Variants in RAPGEF5 observed in about 807,000 individuals in gnomAD.
RAPGEF5 encodes the protein Rap guanine nucleotide exchange factor 5.
A neutral mutation model predicts 125.2 loss-of-function variants in RAPGEF5; 65 were observed. That is an observed-to-expected ratio of 0.52 (90% confidence interval 0.43 to 0.64). The LOEUF (loss-of-function observed/expected upper bound fraction) is 0.64, where lower values mean the gene tolerates loss of function less well. Ranked by LOEUF, RAPGEF5 falls within the 30% of genes least tolerant of loss-of-function variation. The pLI, the probability that RAPGEF5 is intolerant of heterozygous loss-of-function variation, is 0.00. For synonymous variants in RAPGEF5, 391 were observed against 385.9 expected, an observed-to-expected ratio of 1.01 and a Z score of -0.16; for missense variants, 958 against 1,048.1, an observed-to-expected ratio of 0.91 and a Z score of 1.19.
intron 7 of RAPGEF5, among the ~76,000 whole-genome samples, chr7:22,247,749 TA>T (rs199529209): frequency 0.015 from 2,176 of 146,528 alleles, 29 homozygotes; most frequent in Non-Finnish European, 0.018. Context: ...GTGGACTGGA[TA>T]AAAAAAAAAA....
chr7:22,247,197 C>T (rs1786499763), intron 7 of RAPGEF5, among the ~76,000 whole-genome samples: 1 of 152,194 alleles, frequency 6.6e-6, no homozygotes. Context: ...TAAAATAGAA[C>T]TACCATTTGA....
At chr7:22,331,542 G>A (rs1328653353) in intron 1 of RAPGEF5, among the ~76,000 whole-genome samples, 12 of 151,996 alleles carry the variant, frequency 7.9e-5, no homozygotes, top group Non-Finnish European at 1.2e-4. Context: ...TCAGGAGATC[G>A]AGACCATCCT....
At chr7:22,282,766 G>T (rs1782703184) in intron 6 of RAPGEF5, among the ~76,000 whole-genome samples, 1 of 152,180 alleles carries the variant, frequency 6.6e-6, no homozygotes, top group Non-Finnish European at 1.5e-5. Flanking sequence ...ATGCATTAAT[G>T]CAGGATAATG....
chr7:22,281,244 C>G (rs561659974), intron 6 of RAPGEF5, among the ~76,000 whole-genome samples: 27 of 152,302 alleles, frequency 1.8e-4, no homozygotes, highest in Middle Eastern at 3.4e-3. Context: ...CACAGTCTGG[C>G]TCTGTCACCC....
intron 9 of RAPGEF5, among the ~76,000 whole-genome samples, chr7:22,197,900 G>GGGT (rs1554327470): frequency 5.5e-5 from 8 of 145,134 alleles, no homozygotes; most frequent in African/African-American, 1.0e-4. Flanking sequence ...TTTTGGGGGG[G>GGGT]GGTGGTAGGA....
rs900942515 is a variant in RAPGEF5 at position 22,121,813 on chromosome 7, T to A, written c.*593A>T. 3 of 153,024 alleles carry A rather than the reference T, an allele frequency of 2.0e-5. No individual in the cohort carries two copies. The highest frequency in any genetic ancestry group is 7.2e-5 in the African/African-American group (3 of 41,466). 9.5% of individuals were successfully genotyped at this position (153,024 alleles called of 1,614,324 possible). A position where few individuals can be genotyped will look rare whatever the true frequency, so the allele number is the denominator to read the frequency against. On this transcript the variant is annotated 3_prime_UTR_variant, in exon 26 of 26. Transcript: ENST00000665637. ...TGCAAAGTGATGCACACCTTGACATTGTTCATCTGCCCATCAGAGCATGGA... is the reference window on the plus strand; with the variant it reads ...TGCAAAGTGATGCACACCTTGACATAGTTCATCTGCCCATCAGAGCATGGA...
At chr7:22,187,590 A>G (rs1442705086) in intron 11 of RAPGEF5, among the ~76,000 whole-genome samples, 1 of 152,084 alleles carries the variant, frequency 6.6e-6, no homozygotes, top group Non-Finnish European at 1.5e-5. Flanking sequence ...GAAACCAAAC[A>G]TTTTGTGTGT....
Position 22,136,073 on chromosome 7 carries a change from G to A in RAPGEF5, c.2381C>T (p.Pro794Leu). The A allele has an allele frequency of 1.2e-6, 2 of 1,612,230 alleles. No individual in the cohort carries two copies. Among genetic ancestry groups the A allele is most frequent in the Non-Finnish European group, 1.7e-6 (2 of 1,178,828 alleles). Residue 794 changes from proline (P) to leucine (L), a missense_variant, in exon 23 of 26, where the codon CCA (proline) becomes CTA (leucine). Physicochemically the swap from Pro to Leu is moderately conservative, Grantham distance 98. Coordinates refer to ENST00000665637, the MANE Select transcript of RAPGEF5 (RefSeq NM_012294.5). The stretch of plus-strand genomic sequence containing the variant: ...TAAGGGCATGAAAGGGATTTTTGGT[G>A]GCTTCATCTTTTTGAATGCATCTCT... ...AYRDAFKKMK[P>L]PKIPFMPLLL...
intron 23 of RAPGEF5, 27 bp from the exon 24 acceptor site, chr7:22,131,128 T>C (rs533630332): frequency 2.6e-6 from 4 of 1,519,436 alleles, no homozygotes; most frequent in East Asian, 2.5e-5. Flanking sequence ...AAAAGATGTA[T>C]GTATCATTAG....
intron 1 of RAPGEF5, among the ~76,000 whole-genome samples, chr7:22,350,261 G>A (rs147139211): frequency 1.1e-3 from 168 of 152,266 alleles, no homozygotes; most frequent in African/African-American, 3.9e-3. Context: ...ATCAACTTAA[G>A]AGAAAGTGCA....
intron 10 of RAPGEF5, 160 bp downstream of exon 10, chr7:22,193,755 G>A: frequency 6.4e-7 from 1 of 1,569,196 alleles, no homozygotes; most frequent in Non-Finnish European, 8.6e-7. Flanking sequence ...TGGCTGCTAA[G>A]AGCTCTGCAG....
intron 1 of RAPGEF5, among the ~76,000 whole-genome samples, chr7:22,347,441 C>A (rs1022622781): frequency 6.6e-6 from 1 of 152,054 alleles, no homozygotes; most frequent in Middle Eastern, 3.4e-3. Flanking sequence ...TTCAAGGACA[C>A]CAATAATTTT....
chr7:22,141,729 T>C (rs550384174), intron 20 of RAPGEF5, among the ~76,000 whole-genome samples: 21 of 152,356 alleles, frequency 1.4e-4, no homozygotes, highest in African/African-American at 4.8e-4. Flanking sequence ...GGTCTGTCCC[T>C]CTCATGGTCC....
At chr7:22,218,899 A>G (rs1422471826) in intron 9 of RAPGEF5, among the ~76,000 whole-genome samples, 1 of 152,180 alleles carries the variant, frequency 6.6e-6, no homozygotes, top group Non-Finnish European at 1.5e-5. Flanking sequence ...TCTCACTGTT[A>G]GAGAAGTGCT....
chr7:22,265,031 A>G (rs1583530767), intron 7 of RAPGEF5, among the ~76,000 whole-genome samples: 1 of 152,296 alleles, frequency 6.6e-6, no homozygotes. Context: ...ATGGTACATG[A>G]TATTTTAATA....
chr7:22,326,477 C>T (rs917689104), intron 1 of RAPGEF5, among the ~76,000 whole-genome samples: 10 of 152,166 alleles, frequency 6.6e-5, no homozygotes, highest in Non-Finnish European at 1.0e-4. Context: ...CTATCTGGAC[C>T]TTTACAGAAA....
At chr7:22,221,504 A>G (rs2128132862) in intron 8 of RAPGEF5, among the ~76,000 whole-genome samples, 1 of 152,318 alleles carries the variant, frequency 6.6e-6, no homozygotes, top group East Asian at 1.9e-4. Flanking sequence ...GTCGCCACCC[A>G]AATCTCATCT....
chr7:22,324,196 T>C (rs985485227), intron 1 of RAPGEF5, among the ~76,000 whole-genome samples: 15 of 152,222 alleles, frequency 9.9e-5, no homozygotes, highest in African/African-American at 3.6e-4. Flanking sequence ...ACTTTTATGC[T>C]GTTTTTGTCA....
In RAPGEF5 at chr7:22,118,706, A is replaced by G. The variant is rs1352405658; in HGVS notation, c.*3700T>C. On this transcript the variant is annotated 3_prime_UTR_variant, in exon 26 of 26. Transcript: ENST00000665637. ...TCACAGCAGCCCTAATTAATGATAC[A>G]TTAAAAGGCAAGATTTCTTGCTTCA... The G allele has an allele frequency of 6.6e-6, 1 of 152,634 alleles. No individual in the cohort carries two copies. Among genetic ancestry groups the G allele is most frequent in the Non-Finnish European group, 1.5e-5 (1 of 68,038 alleles). 9.5% of individuals were successfully genotyped at this position (152,634 alleles called of 1,614,324 possible).
Sources: allele counts gnomAD v4.1 joint callset (sites outside exome capture counted in the v4.1 genomes callset), GRCh38; gene constraint gnomAD v4.1.1; transcripts MANE v1.5; gene names NCBI Gene and HGNC (gene_info 2026-07-23, HGNC 2026-07-21).